The following SESN2 variants were observed in gnomAD, a reference collection of about 807,000 sequenced individuals.
SESN2 encodes sestrin-2.
SESN2 carries 42 observed loss-of-function variants against 56.0 expected under a neutral mutation model. The ratio of observed to expected loss-of-function variants is 0.75; its 90% CI spans 0.59 to 0.97. The LOEUF is 0.97. Among genes scored for constraint, SESN2 ranks in the 50% least tolerant of loss-of-function variants. The pLI is 0.00. For synonymous variants in SESN2, 264 were observed against 267.1 expected, an observed-to-expected ratio of 0.99 and a Z score of 0.11; for missense variants, 507 against 649.4, an observed-to-expected ratio of 0.78 and a Z score of 2.38.
intron 8 of SESN2, 53 bp from the exon 9 acceptor site, chr1:28,279,044 A>C (rs1648143919): frequency 4.4e-6 from 7 of 1,596,178 alleles, no homozygotes; most frequent in Non-Finnish European, 6.0e-6. Context: ...GCGGGGAGGG[A>C]GCTGCCTTTG....
chr1:28,280,750 T>C lies in SESN2; in HGVS notation c.1391T>C (p.Met464Thr). 5.0e-6 allele frequency: 8 copies of C among 1,613,496 alleles called. No individual in the cohort carries two copies. The highest frequency in any genetic ancestry group is 6.8e-6 in the Non-Finnish European group (8 of 1,180,006). ...AACTTGCTGCTCCTGGAGGCGCGCA[T>C]GCAAGCCGCTCTGCTGTACGCCCTC... ...HVNLLLLEARMQAALLYALRA... is the reference protein window; with the variant it reads ...HVNLLLLEARTQAALLYALRA... The change falls in exon 10 of 10, where the codon ATG becomes ACG. Residue 464 changes from methionine (M) to threonine (T), a missense_variant. Physicochemically the swap from Met to Thr is moderately conservative, Grantham distance 81. Coordinates refer to ENST00000253063, the MANE Select transcript of SESN2 (RefSeq NM_031459.5).
intron 1 of SESN2, among the ~76,000 whole-genome samples, chr1:28,264,687 A>T (rs374569083): frequency 6.6e-6 from 1 of 152,250 alleles, no homozygotes; most frequent in African/African-American, 2.4e-5. Context: ...AAAATTAAAT[A>T]AAATGAAAAT....
chr1:28,265,349 C>T (rs1003578566), intron 1 of SESN2, among the ~76,000 whole-genome samples: 16 of 152,086 alleles, frequency 1.1e-4, no homozygotes, highest in African/African-American at 3.6e-4. Flanking sequence ...GCTTTATACT[C>T]GCGTTCCCTC....
chr1:28,279,430 A>T (rs2149041097), intron 9 of SESN2, among the ~76,000 whole-genome samples, 189 bp downstream of exon 9: 1 of 152,348 alleles, frequency 6.6e-6, no homozygotes, highest in Middle Eastern at 3.4e-3. Context: ...CACCTGTAAA[A>T]TGGGAATGAG....
chr1:28,268,076 G>A (rs561236561), intron 1 of SESN2, among the ~76,000 whole-genome samples: 51 of 152,312 alleles, frequency 3.3e-4, no homozygotes, highest in Non-Finnish European at 5.4e-4. Context: ...GCCCATGGGA[G>A]GGGGAGGTAG....
At chr1:28,274,725 C>CA (rs1647961253) in intron 7 of SESN2, 100 bp from the exon 8 acceptor site, 1 of 943,012 alleles carries the variant, frequency 1.1e-6, no homozygotes, top group South Asian at 1.5e-5. Context: ...TTTATGGCAC[C>CA]AGGAAGGAGA....
At chr1:28,275,123 C>A in intron 8 of SESN2, 108 bp downstream of exon 8, 1 of 783,900 alleles carries the variant, frequency 1.3e-6, no homozygotes, top group Non-Finnish European at 1.9e-6. Context: ...TTTCTTCTTG[C>A]CTATACTGTT....
chr1:28,275,317 AC>A (rs529510106), intron 8 of SESN2, among the ~76,000 whole-genome samples: 1 of 148,796 alleles, frequency 6.7e-6, no homozygotes, highest in African/African-American at 2.5e-5. Context: ...ACACACACAC[AC>A]TATATATATA....
At chr1:28,267,974 C>T (rs771737864) in intron 1 of SESN2, among the ~76,000 whole-genome samples, 3 of 152,120 alleles carry the variant, frequency 2.0e-5, no homozygotes, top group Non-Finnish European at 4.4e-5. Context: ...ATTTTGGGGT[C>T]ATAGGTGAGG....
intron 8 of SESN2, 52 bp downstream of exon 8, chr1:28,275,067 C>T: frequency 7.6e-7 from 1 of 1,321,136 alleles, no homozygotes; most frequent in Non-Finnish European, 1.0e-6. Flanking sequence ...AGTCTTCACT[C>T]TGGGTTCACA....
intron 9 of SESN2, among the ~76,000 whole-genome samples, chr1:28,280,458 G>A (rs541257476): frequency 1.3e-5 from 2 of 152,278 alleles, no homozygotes; most frequent in Admixed American, 6.5e-5. Context: ...CACTCGCCTT[G>A]GCCTCCCAAA....
At chr1:28,276,570 CTTT>C (rs57474365) in intron 8 of SESN2, among the ~76,000 whole-genome samples, 4 of 94,730 alleles carry the variant, frequency 4.2e-5, no homozygotes, top group African/African-American at 1.9e-4. Context: ...TTTTTCTTTC[CTTT>C]TTTTTTTTTT....
chr1:28,275,112 C>CT, intron 8 of SESN2, 97 bp downstream of exon 8: 2 of 895,044 alleles, frequency 2.2e-6, no homozygotes, highest in Non-Finnish European at 3.3e-6. Context: ...TTTTCTTTTC[C>CT]TTTCTTCTTG....
intron 1 of SESN2, among the ~76,000 whole-genome samples, chr1:28,262,478 A>G (rs1413614056): frequency 6.6e-6 from 1 of 151,534 alleles, no homozygotes; most frequent in Admixed American, 6.6e-5. Context: ...AAAATATACA[A>G]AAGTTAGCCA....
Position 28,259,873 on chromosome 1 carries a change from G to T in SESN2, c.26G>T (p.Arg9Leu). Residue 9 changes from arginine (R) to leucine (L), a missense_variant, in exon 1 of 10, where the codon CGC becomes CTC. Arg to Leu is a moderately radical substitution (Grantham distance 102). Transcript: ENST00000253063. Reference sequence around the variant, plus strand: ...ATGATCGTGGCGGACTCCGAGTGCCGCGCAGAGCTCAAGGACTACCTGCGG... The same window carrying T: ...ATGATCGTGGCGGACTCCGAGTGCCTCGCAGAGCTCAAGGACTACCTGCGG... Reference protein sequence around the residue: MIVADSECRAELKDYLRFA... With the variant: MIVADSECLAELKDYLRFA... 7.1e-7 allele frequency: 1 copy of T among 1,416,750 alleles called. No homozygotes were observed. Among genetic ancestry groups the T allele is most frequent in the East Asian group, 3.0e-5 (1 of 33,206 alleles). The allele number at this position is 1,416,750 out of a possible 1,614,324, so 87.8% of individuals were successfully genotyped here.
intron 5 of SESN2, 47 bp from the exon 6 acceptor site, chr1:28,273,310 AG>A (rs1406195371): frequency 2.7e-6 from 4 of 1,502,278 alleles, no homozygotes; most frequent in Non-Finnish European, 8.9e-7. Context: ...AGCTTCCCAG[AG>A]GCTGAAGGAG....
intron 8 of SESN2, among the ~76,000 whole-genome samples, chr1:28,278,420 A>T (rs1022513661): frequency 1.3e-5 from 2 of 152,130 alleles, no homozygotes; most frequent in African/African-American, 4.8e-5. Context: ...TACAAAAATT[A>T]GCCGGGCACA....
chr1:28,273,582 C>T (rs1259370589), intron 6 of SESN2, 74 bp downstream of exon 6: 3 of 1,367,780 alleles, frequency 2.2e-6, no homozygotes, highest in Non-Finnish European at 2.9e-6. Context: ...GGAGCCACCT[C>T]CTGCATTCCA....
chr1:28,265,106 C>G (rs1647511274), intron 1 of SESN2, among the ~76,000 whole-genome samples: 1 of 152,150 alleles, frequency 6.6e-6, no homozygotes, highest in African/African-American at 2.4e-5. Flanking sequence ...AGCTTCTGCC[C>G]TAAAGTCCAG....
Sources: allele counts gnomAD v4.1 joint callset (sites outside exome capture counted in the v4.1 genomes callset), GRCh38; gene constraint gnomAD v4.1.1; transcripts MANE v1.5; gene names NCBI Gene and HGNC (gene_info 2026-07-23, HGNC 2026-07-21).